SLIT3: variants seen among roughly 807,000 people sequenced by gnomAD.
SLIT3 encodes slit guidance ligand 3, also known as slit homolog 3 protein.
SLIT3 carries 68 observed loss-of-function variants against 184.0 expected under a neutral mutation model. The ratio of observed to expected loss-of-function variants is 0.37; its 90% CI spans 0.30 to 0.45. The LOEUF (loss-of-function observed/expected upper bound fraction) is 0.45, where lower values mean the gene tolerates loss of function less well. Among genes scored for constraint, SLIT3 ranks in the 20% least tolerant of loss-of-function variants. SLIT3 has a pLI of 1.00. For missense variants in SLIT3, 1,707 were observed against 2,026.0 expected (o/e 0.84, Z 3.02); for synonymous variants, 831 against 828.6 (o/e 1.00, Z -0.05).
rs375112369 is a variant in SLIT3 at position 169,198,660 on chromosome 5, G to A, written c.342-5110C>T. 9.9e-5 allele frequency among the ~76,000 whole-genome samples: 15 copies of A among 152,232 alleles called. No homozygotes were observed. The South Asian group carries it at 2.7e-3, about 27-fold the overall frequency. Reference sequence around the variant, plus strand: ...TTTTAAAAAGTTCTCCTGGCCGGGCGTGGTGGCTCATGCCTGTAATCCCAG... The same window carrying A: ...TTTTAAAAAGTTCTCCTGGCCGGGCATGGTGGCTCATGCCTGTAATCCCAG... On this transcript the variant is annotated intron_variant, in intron 3 of 35. Coordinates refer to ENST00000519560, the MANE Select transcript of SLIT3 (RefSeq NM_003062.4).
chr5:169,217,580 G>T (rs980340995), intron 3 of SLIT3, among the ~76,000 whole-genome samples: 1 of 152,178 alleles, frequency 6.6e-6, no homozygotes, highest in Non-Finnish European at 1.5e-5. Flanking sequence ...GGGTTCCTGG[G>T]GGCCCTTGGT....
chr5:169,246,987 T>A (rs1765615633), intron 2 of SLIT3, among the ~76,000 whole-genome samples: 1 of 146,222 alleles, frequency 6.8e-6, no homozygotes, highest in Non-Finnish European at 1.5e-5. Flanking sequence ...TCCCAACACT[T>A]TGGGAGGCCC....
intron 3 of SLIT3, among the ~76,000 whole-genome samples, chr5:169,227,336 G>A (rs923165705): frequency 1.3e-5 from 2 of 152,296 alleles, no homozygotes; most frequent in African/African-American, 4.8e-5. Context: ...TTTGTGTCAG[G>A]CACTTTGCTA....
chr5:168,750,225 T>G (rs1754650614), intron 18 of SLIT3, among the ~76,000 whole-genome samples: 1 of 152,164 alleles, frequency 6.6e-6, no homozygotes, highest in African/African-American at 2.4e-5. Flanking sequence ...CACAGGCACT[T>G]TATATGCATC....
At chr5:168,677,811 G>A (rs1004511707) in intron 32 of SLIT3, among the ~76,000 whole-genome samples, 1 of 152,210 alleles carries the variant, frequency 6.6e-6, no homozygotes, top group Non-Finnish European at 1.5e-5. Flanking sequence ...AGTGAAAGGT[G>A]GAAATGATGA....
intron 4 of SLIT3, among the ~76,000 whole-genome samples, chr5:168,888,103 G>A (rs558993602): frequency 1.7e-4 from 26 of 152,274 alleles, no homozygotes; most frequent in Non-Finnish European, 2.6e-4. Context: ...CCAAGGACAC[G>A]GGGGTTAAGT....
Position 169,089,217 on chromosome 5 carries a change from C to T in SLIT3, c.413+104262G>A, listed in dbSNP as rs115535030. ...CAACCAGAGGCAGAACCTGCTTCAT[C>T]CTTCATGCTTGTCATCCACCACTGT... is the stretch of plus-strand genomic sequence containing the variant. On this transcript the variant is annotated intron_variant, in intron 4 of 35. Coordinates refer to ENST00000519560, the MANE Select transcript of SLIT3 (RefSeq NM_003062.4). 6.4e-3 allele frequency among the ~76,000 whole-genome samples: 971 copies of T among 152,058 alleles called. 8 individuals are homozygous for T. Among genetic ancestry groups the T allele is most frequent in the African/African-American group, 0.022 (915 of 41,490 alleles).
intron 9 of SLIT3, among the ~76,000 whole-genome samples, chr5:168,797,633 A>G (rs555696098): frequency 4.6e-5 from 7 of 152,340 alleles, no homozygotes; most frequent in African/African-American, 1.4e-4. Flanking sequence ...GAATCTGATG[A>G]GAGAGACCAG....
At chr5:168,898,317 G>A (rs900922383) in intron 4 of SLIT3, among the ~76,000 whole-genome samples, 12 of 151,654 alleles carry the variant, frequency 7.9e-5, no homozygotes, top group Non-Finnish European at 1.2e-4. Flanking sequence ...TGGCTGGCTC[G>A]AAATCAAGAA....
chr5:169,073,798 C>T (rs144049187), intron 4 of SLIT3, among the ~76,000 whole-genome samples: 1 of 152,218 alleles, frequency 6.6e-6, no homozygotes, highest in African/African-American at 2.4e-5. Flanking sequence ...CTCCCTGAGG[C>T]CCTCACCAAA....
intron 4 of SLIT3, among the ~76,000 whole-genome samples, chr5:169,166,472 C>T (rs529244955): frequency 7.2e-5 from 11 of 152,136 alleles, no homozygotes; most frequent in Admixed American, 3.3e-4. Flanking sequence ...ACACACATCT[C>T]GGTCTGCATG....
chr5:169,271,034 G>T (rs967446181), intron 1 of SLIT3, among the ~76,000 whole-genome samples: 1 of 152,138 alleles, frequency 6.6e-6, no homozygotes, highest in Non-Finnish European at 1.5e-5. Context: ...ACTCCAGGGG[G>T]CATCGTTCAA....
intron 4 of SLIT3, among the ~76,000 whole-genome samples, chr5:169,045,607 ATG>A (rs1032690879): frequency 1.3e-5 from 2 of 152,170 alleles, no homozygotes; most frequent in Admixed American, 1.3e-4. Flanking sequence ...AGTATTTACT[ATG>A]TGATAGGTGC....
chr5:168,902,184 C>A (rs1220293185), intron 4 of SLIT3, among the ~76,000 whole-genome samples: 1 of 152,180 alleles, frequency 6.6e-6, no homozygotes, highest in Non-Finnish European at 1.5e-5. Flanking sequence ...GCCACTGTGC[C>A]TGGCCTGAAA....
chr5:169,225,077 C>A (rs1343898131), intron 3 of SLIT3, among the ~76,000 whole-genome samples: 1 of 152,162 alleles, frequency 6.6e-6, no homozygotes, highest in South Asian at 2.1e-4. Flanking sequence ...GTACTTCCTA[C>A]TAATAAGGAT....
chr5:168,831,256 C>T (rs534466535), intron 6 of SLIT3, among the ~76,000 whole-genome samples: 5 of 137,666 alleles, frequency 3.6e-5, no homozygotes, highest in South Asian at 2.3e-4. Flanking sequence ...TTGGAGTGGG[C>T]GATGGGTCTC....
chr5:169,142,121 A>G (rs1271946008), intron 4 of SLIT3, among the ~76,000 whole-genome samples: 1 of 150,868 alleles, frequency 6.6e-6, no homozygotes, highest in African/African-American at 2.4e-5. Flanking sequence ...ATAAATAAAT[A>G]AAGTCAGGTC....
At chr5:169,017,746 T>C (rs887187168) in intron 4 of SLIT3, 2 of 152,186 alleles carry the variant, frequency 1.3e-5, no homozygotes, top group African/African-American at 4.8e-5. Context: ...AAGAAGCTTG[T>C]CAATAAATAT....
chr5:169,151,388 T>G (rs1441549760), intron 4 of SLIT3, among the ~76,000 whole-genome samples: 1 of 152,176 alleles, frequency 6.6e-6, no homozygotes, highest in African/African-American at 2.4e-5. Flanking sequence ...CCACTGCGAC[T>G]GGGTTCTAAT....
Sources: allele counts gnomAD v4.1 joint callset (sites outside exome capture counted in the v4.1 genomes callset), GRCh38; gene constraint gnomAD v4.1.1; transcripts MANE v1.5; gene names NCBI Gene and HGNC (gene_info 2026-07-23, HGNC 2026-07-21).